Variants in ZBP1 observed in about 807,000 individuals in gnomAD.
ZBP1 encodes Z-DNA-binding protein 1.
A neutral mutation model predicts 41.1 loss-of-function variants in ZBP1; 42 were observed. The observed-to-expected ratio is 1.02, with a 90% CI of 0.80 to 1.32. The LOEUF (loss-of-function observed/expected upper bound fraction) is 1.32, where lower values mean the gene tolerates loss of function less well. Ranked by LOEUF, ZBP1 falls within the 40% of genes most tolerant of loss-of-function variation. ZBP1 has a pLI of 0.00. For synonymous variants in ZBP1, 214 were observed against 205.2 expected (o/e 1.04, Z -0.37); for missense variants, 562 against 549.7 (o/e 1.02, Z -0.22).
chr20:57,604,170 G>A lies in ZBP1; in HGVS notation c.*403C>T. The A allele has an allele frequency of 2.9e-6, 1 of 348,882 alleles. No homozygotes were observed. The highest frequency in any genetic ancestry group is 7.9e-5 in the East Asian group (1 of 12,706). The allele number at this position is 348,882 out of a possible 1,614,324, so 21.6% of individuals were successfully genotyped here. On this transcript the variant is annotated 3_prime_UTR_variant, in exon 8 of 8. Coordinates refer to ENST00000371173, the MANE Select transcript of ZBP1 (RefSeq NM_030776.3). ...TTACAGGCGTGAGCCACTGCACCCA[G>A]TTGGGATTATGTTTTGATATGAATT... is the stretch of plus-strand genomic sequence containing the variant.
intron 7 of ZBP1, among the ~76,000 whole-genome samples, chr20:57,608,680 G>A (rs763248994): frequency 3.9e-5 from 6 of 152,222 alleles, no homozygotes; most frequent in African/African-American, 7.2e-5. Context: ...CCTGGTCCCC[G>A]TTCTGCAGGT....
rs779581387 is a variant in ZBP1 at position 57,615,514 on chromosome 20, C to T, written c.326G>A (p.Arg109Gln). 2.4e-5 allele frequency: 38 copies of T among 1,613,102 alleles called. No homozygotes were observed. The East Asian group carries it at 6.2e-4, about 27-fold the overall frequency. The part of the protein sequence containing the change: ...ETPGPQFSQQ[R>Q]EEDIYRFLKD... ...TGAAGGGACATGCAAAAACTTACCC[C>T]GTTGTTGGCTGAACTGAGGGCCAGG... Residue 109 changes from arginine (R) to glutamine (Q), a missense_variant and splice_region_variant, in exon 3 of 8, where the codon CGG becomes CAG. Arg to Gln is a conservative substitution (Grantham distance 43). Transcript: ENST00000371173.
Position 57,604,020 on chromosome 20 carries a change from A to T in ZBP1, c.*553T>A. The T allele has an allele frequency of 5.0e-6, 1 of 200,586 alleles. No individual in the cohort carries two copies. Among genetic ancestry groups the T allele is most frequent in the South Asian group, 6.9e-5 (1 of 14,566 alleles). The allele number at this position is 200,586 out of a possible 1,614,324, so 12.4% of individuals were successfully genotyped here. Reference sequence around the variant, plus strand: ...GTAGCTGGGACTCCAGGTGCCCGCCACAACGCCCGGCTAATTTTTTGTATT... The same window carrying T: ...GTAGCTGGGACTCCAGGTGCCCGCCTCAACGCCCGGCTAATTTTTTGTATT... On this transcript the variant is annotated 3_prime_UTR_variant, in exon 8 of 8. Transcript: ENST00000371173.
chr20:57,606,429 A>G (rs1397753558), intron 7 of ZBP1, among the ~76,000 whole-genome samples: 3 of 152,266 alleles, frequency 2.0e-5, no homozygotes, highest in Non-Finnish European at 4.4e-5. Context: ...GCAAGTGCTG[A>G]TGGAGAAGCT....
rs1568935092 is a variant in ZBP1 at position 57,613,802 on chromosome 20, G to A, written c.503-472C>T. Among the ~76,000 whole-genome samples the A allele has an allele frequency of 1.3e-5, 2 of 152,192 alleles. No homozygotes were observed. The highest frequency in any genetic ancestry group is 6.5e-5 in the Admixed American group (1 of 15,284). ...GTTTAAAATCTGGTGGCTGTCACGCGTTATTCCTTCCTCACAGCAGCCCTA... is the reference window on the plus strand; with the variant it reads ...GTTTAAAATCTGGTGGCTGTCACGCATTATTCCTTCCTCACAGCAGCCCTA... On this transcript the variant is annotated intron_variant, in intron 4 of 7. Transcript: ENST00000371173. This position sits in a 1 kb window ranked among gnomAD's most constrained non-coding sequence, Gnocchi z 4.5.
chr20:57,607,177 G>T (rs371780614), intron 7 of ZBP1: 1 of 1,304,160 alleles, frequency 7.7e-7, no homozygotes. Flanking sequence ...TCTACATGCC[G>T]TTAAGAACAT....
intron 7 of ZBP1, among the ~76,000 whole-genome samples, chr20:57,606,332 G>A (rs544397506): frequency 5.9e-5 from 9 of 152,378 alleles, no homozygotes; most frequent in Non-Finnish European, 1.0e-4. Context: ...GGAAGCTGCA[G>A]AAGAATAGTT....
chr20:57,610,551 G>C lies in ZBP1; in HGVS notation c.875-184C>G, dbSNP rs1470195384. ...GCCACACCTCCGCTCGTGCTGTTGT[G>C]CTGTCTGGGAAGCGTCTTTCTGCTC... On this transcript the variant is annotated intron_variant, in intron 6 of 7. Transcript: ENST00000371173. The surrounding 1 kb of genome is among the most constrained non-coding windows in gnomAD (Gnocchi z 5.5). 1.6e-6 allele frequency: 1 copy of C among 623,036 alleles called. No homozygotes were observed. Among genetic ancestry groups the C allele is most frequent in the East Asian group, 2.7e-5 (1 of 36,618 alleles). The allele number at this position is 623,036 out of a possible 1,614,324, so 38.6% of individuals were successfully genotyped here.
chr20:57,615,302 A>G (rs552389015), intron 3 of ZBP1: 8 of 686,198 alleles, frequency 1.2e-5, no homozygotes, highest in Admixed American at 2.9e-5. Context: ...AGGGTCAGCT[A>G]TTGTCTGACT....
In ZBP1 at chr20:57,610,019, G is replaced by T; in HGVS notation, c.1093+130C>A. The T allele has an allele frequency of 9.7e-7, 1 of 1,035,358 alleles. No homozygotes were observed. The highest frequency in any genetic ancestry group is 1.4e-6 in the Non-Finnish European group (1 of 697,754). 64.1% of individuals were successfully genotyped at this position (1,035,358 alleles called of 1,614,324 possible). On this transcript the variant is annotated intron_variant, in intron 7 of 7. Transcript: ENST00000371173. This position sits in a 1 kb window ranked among gnomAD's most constrained non-coding sequence, Gnocchi z 5.5. The stretch of plus-strand genomic sequence containing the variant: ...CTCTAGAGCTGCTGCTCCTCGCTGT[G>T]GGTGGGCACAGCCTCCAGACTCCGG...
At position 57,616,485 on chromosome 20, in the gene ZBP1, G is replaced by C. The variant is rs1160096951; in HGVS notation, c.35-17C>G. On this transcript the variant is annotated splice_polypyrimidine_tract_variant and intron_variant, in intron 1 of 7. Transcript: ENST00000371173. ...CAAGGTGGCCTGGGGGAGCGAGCGG[G>C]GGACAGAGAGGGGAACTGAGTCTCC... The C allele has an allele frequency of 6.2e-7, 1 of 1,611,798 alleles. No homozygotes were observed. Among genetic ancestry groups the C allele is most frequent in the Non-Finnish European group, 8.5e-7 (1 of 1,179,558 alleles).
At chr20:57,615,434 T>G in intron 3 of ZBP1, 78 bp downstream of exon 3, 2 of 1,485,424 alleles carry the variant, frequency 1.3e-6, no homozygotes, top group South Asian at 2.3e-5. Flanking sequence ...TGAGATCTTG[T>G]ACCCTCAAGG....
At chr20:57,620,212 A>G in intron 1 of ZBP1, 50 bp downstream of exon 1, 1 of 1,554,024 alleles carries the variant, frequency 6.4e-7, no homozygotes, top group Non-Finnish European at 8.7e-7. Flanking sequence ...AGAAGTAGAA[A>G]TCTCACCCCG....
At chr20:57,608,584 C>T (rs2070556202) in intron 7 of ZBP1, among the ~76,000 whole-genome samples, 2 of 152,258 alleles carry the variant, frequency 1.3e-5, no homozygotes, top group Non-Finnish European at 1.5e-5. Context: ...TCCCCAGTGG[C>T]CTTGGAGGTC....
chr20:57,613,400 C>G lies in ZBP1; in HGVS notation c.503-70G>C. On this transcript the variant is annotated intron_variant, in intron 4 of 7. Coordinates refer to ENST00000371173, the MANE Select transcript of ZBP1 (RefSeq NM_030776.3). This position sits in a 1 kb window ranked among gnomAD's most constrained non-coding sequence, Gnocchi z 4.5. The stretch of plus-strand genomic sequence containing the variant: ...GTCAGGGGTTCCCAATACCAGTCGG[C>G]AGCACCAAATTCTCCTGGGGAGCTT... 6.6e-7 allele frequency: 1 copy of G among 1,522,056 alleles called. No individual in the cohort carries two copies. Among genetic ancestry groups the G allele is most frequent in the Non-Finnish European group, 8.9e-7 (1 of 1,120,052 alleles). The allele number at this position is 1,522,056 out of a possible 1,614,324, so 94.3% of individuals were successfully genotyped here. A position where few individuals can be genotyped will look rare whatever the true frequency, so the allele number is the denominator to read the frequency against.
intron 1 of ZBP1, chr20:57,616,871 G>A (rs1600744425): frequency 4.3e-6 from 1 of 233,922 alleles, no homozygotes; most frequent in East Asian, 1.1e-4. Flanking sequence ...TGCCTGGGAC[G>A]CCTGCCTGGG....
At chr20:57,605,623 G>A (rs1049304749) in intron 7 of ZBP1, among the ~76,000 whole-genome samples, 3 of 152,076 alleles carry the variant, frequency 2.0e-5, no homozygotes, top group Non-Finnish European at 4.4e-5. Flanking sequence ...CAACAATATT[G>A]AAATTAGGAA....
At chr20:57,608,435 T>TA (rs869223381) in intron 7 of ZBP1, among the ~76,000 whole-genome samples, 1 of 123,840 alleles carries the variant, frequency 8.1e-6, no homozygotes, top group Non-Finnish European at 1.9e-5. Flanking sequence ...TGGCTATTTT[T>TA]AAAAAACACA....
chr20:57,607,935 A>T (rs764521508), intron 7 of ZBP1, among the ~76,000 whole-genome samples: 1 of 152,184 alleles, frequency 6.6e-6, no homozygotes, highest in African/African-American at 2.4e-5. Context: ...GAAATCAAAA[A>T]TTTGCATGAC....
Sources: allele counts gnomAD v4.1 joint callset (sites outside exome capture counted in the v4.1 genomes callset), GRCh38; gene constraint gnomAD v4.1.1; non-coding constraint Gnocchi (gnomAD v3.1); transcripts MANE v1.5; gene names NCBI Gene and HGNC (gene_info 2026-07-23, HGNC 2026-07-21).